SLCO3A1: variants seen among roughly 807,000 people sequenced by gnomAD.
SLCO3A1 encodes PGE1 transporter.
A neutral mutation model predicts 63.1 loss-of-function variants in SLCO3A1; 27 were observed. The ratio of observed to expected loss-of-function variants is 0.43; its 90% CI spans 0.32 to 0.59. SLCO3A1 has a LOEUF of 0.59. Ranked by LOEUF, SLCO3A1 falls within the 20% of genes least tolerant of loss-of-function variation. The pLI, the probability that SLCO3A1 is intolerant of heterozygous loss-of-function variation, is 0.09. For synonymous variants in SLCO3A1, 473 were observed against 409.9 expected, an observed-to-expected ratio of 1.15 and a Z score of -1.86; for missense variants, 773 against 945.8, an observed-to-expected ratio of 0.82 and a Z score of 2.40.
chr15:92,114,668 T>C (rs1423960442), intron 4 of SLCO3A1, among the ~76,000 whole-genome samples: 2 of 152,172 alleles, frequency 1.3e-5, no homozygotes, highest in Admixed American at 6.5e-5. Context: ...AGACTGTCAT[T>C]TATCTCATCT....
At chr15:91,926,596 T>TGTGTGTGTGG in intron 2 of SLCO3A1, among the ~76,000 whole-genome samples, 40 of 105,254 alleles carry the variant, frequency 3.8e-4, no homozygotes, top group African/African-American at 1.4e-3. Context: ...TGTGTGTGTG[T>TGTGTGTGTGG]GCGCGCGCGC....
intron 2 of SLCO3A1, among the ~76,000 whole-genome samples, chr15:92,069,033 G>A (rs887924171): frequency 2.6e-4 from 39 of 152,202 alleles, no homozygotes; most frequent in African/African-American, 9.2e-4. Flanking sequence ...AAATAAGACC[G>A]AGGTTCTTCC....
rs1400224929 is a variant in SLCO3A1, at chr15:91,967,248, T to C, written c.646+50790T>C. Among the ~76,000 whole-genome samples the C allele has an allele frequency of 6.6e-6, 1 of 152,214 alleles. No homozygotes were observed. Among genetic ancestry groups the C allele is most frequent in the Non-Finnish European group, 1.5e-5 (1 of 68,044 alleles). On this transcript the variant is annotated intron_variant, in intron 2 of 9. Coordinates refer to ENST00000318445, the MANE Select transcript of SLCO3A1 (RefSeq NM_013272.4). This position sits in a 1 kb window ranked among gnomAD's most constrained non-coding sequence, Gnocchi z 4.4. The stretch of plus-strand genomic sequence containing the variant: ...GTTACATTTTTATTCATTTAAAATA[T>C]TAAAATGACAATAAGAGAGGTTTTT...
At chr15:92,024,901 C>CGTA (rs946682808) in intron 2 of SLCO3A1, among the ~76,000 whole-genome samples, 4 of 152,108 alleles carry the variant, frequency 2.6e-5, no homozygotes, top group African/African-American at 9.7e-5. Context: ...GTCTACCTAC[C>CGTA]CATCCATCCT....
At chr15:92,128,518 G>C (rs755173707) in intron 7 of SLCO3A1, 29 bp downstream of exon 7, 1 of 1,579,108 alleles carries the variant, frequency 6.3e-7, no homozygotes, top group Non-Finnish European at 8.6e-7. Context: ...GGATGGGGCA[G>C]GGGATTCAGG....
At chr15:91,876,339 A>T (rs1024756142) in intron 1 of SLCO3A1, among the ~76,000 whole-genome samples, 16 of 152,296 alleles carry the variant, frequency 1.1e-4, no homozygotes, top group African/African-American at 3.6e-4. Context: ...ACTGGTAACC[A>T]AGTTACAGCC....
chr15:92,074,203 C>G (rs1596076942), intron 2 of SLCO3A1, among the ~76,000 whole-genome samples: 2 of 152,156 alleles, frequency 1.3e-5, no homozygotes, highest in African/African-American at 4.8e-5. Flanking sequence ...TTCTTTCAAG[C>G]CAGCCTGTCA....
At chr15:91,997,636 A>G (rs2046207200) in intron 2 of SLCO3A1, among the ~76,000 whole-genome samples, 1 of 152,234 alleles carries the variant, frequency 6.6e-6, no homozygotes, top group Non-Finnish European at 1.5e-5. Flanking sequence ...AACCAAAATG[A>G]CATGGTACTT....
rs905862980 is a variant in SLCO3A1, at chr15:91,894,132, C to G, written c.181-21861C>G. Among the ~76,000 whole-genome samples the G allele has an allele frequency of 6.6e-6, 1 of 151,898 alleles. No homozygotes were observed. Among genetic ancestry groups the G allele is most frequent in the Admixed American group, 6.6e-5 (1 of 15,264 alleles). ...AGGCAGATGCAGTAGCACATTGTCT[C>G]AAGTTGAGGATGGGTTTGATCTGTT... is the stretch of plus-strand genomic sequence containing the variant. On this transcript the variant is annotated intron_variant, in intron 1 of 9. Transcript: ENST00000318445. The surrounding 1 kb of genome is among the most constrained non-coding windows in gnomAD (Gnocchi z 4.8).
At chr15:91,871,726 C>G (rs1897281832) in intron 1 of SLCO3A1, among the ~76,000 whole-genome samples, 1 of 102,060 alleles carries the variant, frequency 9.8e-6, no homozygotes, top group African/African-American at 3.9e-5. Flanking sequence ...CACCTTTTGA[C>G]TTTATGACAC....
chr15:91,991,762 T>G (rs1386928416), intron 2 of SLCO3A1, among the ~76,000 whole-genome samples: 1 of 152,258 alleles, frequency 6.6e-6, no homozygotes, highest in African/African-American at 2.4e-5. Flanking sequence ...CAATTTAGAC[T>G]AGCCGCATAT....
At chr15:91,869,999 G>A (rs75652200) in intron 1 of SLCO3A1, among the ~76,000 whole-genome samples, 2,867 of 152,186 alleles carry the variant, frequency 0.019, 93 homozygotes, top group Admixed American at 0.066. Context: ...AGGGGGTCAG[G>A]GCAAGCTTGC....
chr15:92,115,815 CAA>C (rs765666191), intron 4 of SLCO3A1, among the ~76,000 whole-genome samples: 64 of 86,718 alleles, frequency 7.4e-4, no homozygotes, highest in African/African-American at 2.7e-3. Flanking sequence ...TCTCTTCCCT[CAA>C]AAAAAAAAAA....
At chr15:92,048,130 T>C (rs2046912535) in intron 2 of SLCO3A1, among the ~76,000 whole-genome samples, 1 of 152,096 alleles carries the variant, frequency 6.6e-6, no homozygotes, top group East Asian at 1.9e-4. Flanking sequence ...CTGAGTGGCA[T>C]CTAGAATCTG....
intron 7 of SLCO3A1, among the ~76,000 whole-genome samples, chr15:92,144,326 T>C (rs2238351): frequency 0.35 from 52,994 of 152,006 alleles, 9,350 homozygotes; most frequent in East Asian, 0.43. Flanking sequence ...TTGAATACCA[T>C]GGTCCAGGGA....
At position 91,872,047 on chromosome 15, in the gene SLCO3A1, A is replaced by G. The variant is rs1897294319; in HGVS notation, c.180+17959A>G. 1.3e-5 allele frequency among the ~76,000 whole-genome samples: 2 copies of G among 152,034 alleles called. No homozygotes were observed. The highest frequency in any genetic ancestry group is 6.6e-5 in the Admixed American group (1 of 15,256). On this transcript the variant is annotated intron_variant, in intron 1 of 9. Transcript: ENST00000318445. The surrounding 1 kb of genome is among the most constrained non-coding windows in gnomAD (Gnocchi z 4.1). ...TTCAGAATTACAAAATGGGATGATG[A>G]GTTCAAGGGATTGGTCACAAAAGAT...
chr15:91,984,937 CT>C (rs1262297857), intron 2 of SLCO3A1, among the ~76,000 whole-genome samples: 3 of 152,006 alleles, frequency 2.0e-5, no homozygotes, highest in African/African-American at 7.2e-5. Flanking sequence ...TTGCAGTAAT[CT>C]TTTTTTAAGT....
Position 92,048,024 on chromosome 15 carries a change from C to T in SLCO3A1, c.647-46857C>T, listed in dbSNP as rs146539563. Among the ~76,000 whole-genome samples, 876 of 152,166 alleles carry T rather than the reference C, an allele frequency of 5.8e-3. 2 individuals are homozygous for T. The highest frequency in any genetic ancestry group is 0.019 in the South Asian group (90 of 4,818). On this transcript the variant is annotated intron_variant, in intron 2 of 9. Transcript: ENST00000318445. ...GGTCTGCTGTTGCCTCTCTCTGCCCCTAATAGACCACAGCCATTTGCCTGG... is the reference window on the plus strand; with the variant it reads ...GGTCTGCTGTTGCCTCTCTCTGCCCTTAATAGACCACAGCCATTTGCCTGG...
At chr15:91,927,173 C>T (rs8024407) in intron 2 of SLCO3A1, among the ~76,000 whole-genome samples, 7 of 152,200 alleles carry the variant, frequency 4.6e-5, no homozygotes, top group East Asian at 3.9e-4. Context: ...TCCACTCCCC[C>T]GAAAATTCCT....
Sources: allele counts gnomAD v4.1 joint callset (sites outside exome capture counted in the v4.1 genomes callset), GRCh38; gene constraint gnomAD v4.1.1; non-coding constraint Gnocchi (gnomAD v3.1); transcripts MANE v1.5; gene names NCBI Gene and HGNC (gene_info 2026-07-23, HGNC 2026-07-21).